Variants in SLC14A2 observed in about 807,000 individuals in gnomAD.
The protein encoded by SLC14A2 is solute carrier family 14 member 2.
SLC14A2 carries 91 observed loss-of-function variants against 104.6 expected under a neutral mutation model. The observed-to-expected ratio is 0.87, with a 90% CI of 0.73 to 1.04. SLC14A2 has a LOEUF of 1.04. Among genes scored for constraint, SLC14A2 ranks in the 50% least tolerant of loss-of-function variants. SLC14A2 has a pLI of 0.00. For synonymous variants in SLC14A2, 476 were observed against 466.4 expected (o/e 1.02, Z -0.27); for missense variants, 1,189 against 1,156.0 (o/e 1.03, Z -0.41).
intron 1 of SLC14A2, among the ~76,000 whole-genome samples, chr18:45,476,560 T>C (rs1227137500): frequency 6.6e-6 from 1 of 152,200 alleles, no homozygotes; most frequent in Non-Finnish European, 1.5e-5. Context: ...TCCTGAACAA[T>C]ATCCTGAAGA....
intron 2 of SLC14A2, among the ~76,000 whole-genome samples, chr18:45,562,808 T>C (rs28666005): frequency 0.022 from 3,381 of 150,754 alleles, 127 homozygotes; most frequent in African/African-American, 0.077. Flanking sequence ...GGGAAGGGGC[T>C]GGGTGGGAAA....
intron 1 of SLC14A2, among the ~76,000 whole-genome samples, chr18:45,281,487 A>T: frequency 6.6e-6 from 1 of 152,248 alleles, no homozygotes; most frequent in Non-Finnish European, 1.5e-5. Flanking sequence ...ATTATTGGGA[A>T]GAAAAACAAA....
chr18:45,570,143 A>ATCTC lies in SLC14A2; in HGVS notation c.-34-54486_-34-54483dup, dbSNP rs1387976000. 3.3e-5 allele frequency among the ~76,000 whole-genome samples: 5 copies of ATCTC among 152,318 alleles called. 1 individual carries two copies. In the South Asian group the frequency reaches 1.0e-3, roughly 32 times the overall value. On this transcript the variant is annotated intron_variant, in intron 2 of 20. Transcript: ENST00000586448. Reference sequence around the variant, plus strand: ...CAATGTGGGCTCGTATGTGGTCAGCATCTCTTGACAGCAAAGAAGGATGAA... The same window carrying ATCTC: ...CAATGTGGGCTCGTATGTGGTCAGCATCTCTCTCTTGACAGCAAAGAAGGATGAA...
At chr18:45,433,708 T>C (rs1462591185) in intron 1 of SLC14A2, among the ~76,000 whole-genome samples, 3 of 152,242 alleles carry the variant, frequency 2.0e-5, no homozygotes, top group Non-Finnish European at 4.4e-5. Context: ...TTTAAGTTAA[T>C]TGGATTCAAA....
intron 2 of SLC14A2, chr18:45,529,679 A>C (rs1326601046): frequency 1.3e-5 from 2 of 152,180 alleles, no homozygotes; most frequent in Admixed American, 6.5e-5. Flanking sequence ...CTCGGTCAGC[A>C]AGAGAAAAGG....
chr18:45,655,449 C>G (rs899886011), intron 10 of SLC14A2, among the ~76,000 whole-genome samples: 1 of 152,212 alleles, frequency 6.6e-6, no homozygotes, highest in African/African-American at 2.4e-5. Flanking sequence ...GACCCCTTCT[C>G]TCAAATGTAT....
intron 15 of SLC14A2, 56 bp from the exon 16 acceptor site, chr18:45,669,250 C>CTAG: frequency 2.1e-6 from 3 of 1,452,992 alleles, no homozygotes; most frequent in Non-Finnish European, 2.9e-6. Context: ...GCAGCACAGT[C>CTAG]TAGTGTTATG....
chr18:45,663,966 G>C (rs910943297), intron 11 of SLC14A2, 59 bp downstream of exon 11: 16 of 1,520,892 alleles, frequency 1.1e-5, no homozygotes, highest in Non-Finnish European at 1.3e-5. Context: ...TAATAAAACA[G>C]GGACAATGGC....
At chr18:45,576,045 G>C (rs188209831) in intron 2 of SLC14A2, among the ~76,000 whole-genome samples, 134 of 152,252 alleles carry the variant, frequency 8.8e-4, no homozygotes, top group African/African-American at 2.8e-3. Flanking sequence ...TGATTTGGCA[G>C]TCAAAGGGAA....
At chr18:45,378,003 T>TA (rs895948096) in intron 1 of SLC14A2, among the ~76,000 whole-genome samples, 1 of 152,188 alleles carries the variant, frequency 6.6e-6, no homozygotes, top group African/African-American at 2.4e-5. Flanking sequence ...ACAATCACCA[T>TA]AAAAAAATGC....
At chr18:45,184,376 C>A in the SLC14A2 span, among the ~76,000 whole-genome samples, 1 of 152,192 alleles carries the variant, frequency 6.6e-6, no homozygotes, top group Non-Finnish European at 1.5e-5. Context: ...TGCTCTGAAA[C>A]ATAGCTTGAT....
intron 2 of SLC14A2, among the ~76,000 whole-genome samples, chr18:45,561,278 T>C (rs2044197829): frequency 6.6e-6 from 1 of 152,172 alleles, no homozygotes; most frequent in African/African-American, 2.4e-5. Context: ...ATCCATCCTG[T>C]GGGCAGAAGA....
chr18:45,528,273 A>T (rs1319189989), intron 2 of SLC14A2: 1 of 151,908 alleles, frequency 6.6e-6, no homozygotes, highest in Non-Finnish European at 1.5e-5. Context: ...GGAGGGCATA[A>T]CATCGTTCTA....
At chr18:45,473,100 G>C (rs1408411465) in intron 1 of SLC14A2, among the ~76,000 whole-genome samples, 1 of 152,176 alleles carries the variant, frequency 6.6e-6, no homozygotes, top group Non-Finnish European at 1.5e-5. Context: ...CATATGGCTA[G>C]CCAGTTCTCC....
intron 2 of SLC14A2, among the ~76,000 whole-genome samples, chr18:45,606,998 G>A (rs2044882971): frequency 6.6e-6 from 1 of 152,182 alleles, no homozygotes; most frequent in South Asian, 2.1e-4. Context: ...TTGCAAATGA[G>A]AGGTTCTTGC....
rs112716790 is a variant in SLC14A2, at chr18:45,308,335, T to C, written c.-125+95144T>C. On this transcript the variant is annotated intron_variant, in intron 1 of 20. Coordinates refer to the SLC14A2 transcript ENST00000586448. ...GAAGTCAAGATCTAAGAAATCTAAGTAACTTGTTCAAGGTCATCACCTATT... is the reference window on the plus strand; with the variant it reads ...GAAGTCAAGATCTAAGAAATCTAAGCAACTTGTTCAAGGTCATCACCTATT... 5.5e-3 allele frequency among the ~76,000 whole-genome samples: 842 copies of C among 152,350 alleles called. 8 individuals carry two copies. The highest frequency in any genetic ancestry group is 0.018 in the African/African-American group (754 of 41,590).
chr18:45,368,979 T>G (rs771356667), intron 1 of SLC14A2, among the ~76,000 whole-genome samples: 14 of 152,124 alleles, frequency 9.2e-5, no homozygotes, highest in Non-Finnish European at 1.9e-4. Flanking sequence ...CAGCAACAAC[T>G]CAGGCTGCTA....
At chr18:45,669,276 G>A (rs2046085913) in intron 15 of SLC14A2, 30 bp from the exon 16 acceptor site, 1 of 1,590,446 alleles carries the variant, frequency 6.3e-7, no homozygotes, top group Non-Finnish European at 8.6e-7. Context: ...GCGGCTTCCT[G>A]ACCAGCATCT....
chr18:45,495,981 C>T (rs892873043), intron 2 of SLC14A2, among the ~76,000 whole-genome samples: 9 of 152,300 alleles, frequency 5.9e-5, no homozygotes, highest in Admixed American at 5.9e-4. Context: ...TGAGCAAAGG[C>T]CTCATGAAGC....
Sources: gnomAD v4.1 joint callset for allele counts (sites outside exome capture counted in the v4.1 genomes callset) on GRCh38, gnomAD v4.1.1 for gene constraint, MANE v1.5 for transcripts, NCBI Gene and HGNC (gene_info 2026-07-23, HGNC 2026-07-21) for gene names.